The following FAM184A variants were observed in gnomAD, a reference collection of about 807,000 sequenced individuals.
FAM184A encodes the protein family with sequence similarity 184 member A.
In FAM184A, 99 loss-of-function variants were observed where a neutral mutation model predicts 143.8. The ratio of observed to expected loss-of-function variants is 0.69; its 90% confidence interval spans 0.58 to 0.81. FAM184A has a LOEUF of 0.81. Among genes scored for constraint, FAM184A ranks in the 40% least tolerant of loss-of-function variants. The pLI is 0.00. For missense variants in FAM184A, 1,217 were observed against 1,310.5 expected (o/e 0.93, Z 1.10); for synonymous variants, 427 against 446.4 (o/e 0.96, Z 0.55).
chr6:118,967,048 A>G (rs1463753765), intron 14 of FAM184A, 96 bp from the exon 15 acceptor site: 3 of 591,528 alleles, frequency 5.1e-6, no homozygotes, highest in Non-Finnish European at 5.9e-6. Context: ...AACACACACA[A>G]AAATCTGAAA....
At chr6:119,059,996 T>A (rs1159246584) in intron 1 of FAM184A, among the ~76,000 whole-genome samples, 1 of 152,238 alleles carries the variant, frequency 6.6e-6, no homozygotes, top group Non-Finnish European at 1.5e-5. Context: ...TAGGTATAAA[T>A]TGGTCACTAA....
intron 1 of FAM184A, among the ~76,000 whole-genome samples, chr6:119,091,389 A>G (rs1582607708): frequency 6.6e-6 from 1 of 152,142 alleles, no homozygotes; most frequent in Non-Finnish European, 1.5e-5. Context: ...ATCACATCCT[A>G]TAGGCCAAAT....
chr6:118,974,059 C>T (rs1783773757), intron 14 of FAM184A, among the ~76,000 whole-genome samples: 1 of 152,064 alleles, frequency 6.6e-6, no homozygotes, highest in Non-Finnish European at 1.5e-5. Context: ...GTAAAATATA[C>T]ATTATTAGTG....
chr6:118,992,979 C>T (rs147255642), intron 9 of FAM184A, among the ~76,000 whole-genome samples: 306 of 152,270 alleles, frequency 2.0e-3, no homozygotes, highest in South Asian at 2.9e-3. Context: ...TTAAAGCCAT[C>T]CAATCTATGG....
chr6:119,029,100 G>C (rs1258342811), intron 1 of FAM184A, among the ~76,000 whole-genome samples: 3 of 152,152 alleles, frequency 2.0e-5, no homozygotes, highest in Non-Finnish European at 4.4e-5. Context: ...AGAGTGCCTA[G>C]AGCAACACTG....
intron 9 of FAM184A, among the ~76,000 whole-genome samples, chr6:118,981,592 T>G (rs1212422816): frequency 6.6e-6 from 1 of 151,968 alleles, no homozygotes; most frequent in Admixed American, 6.6e-5. Flanking sequence ...TCACTAGACA[T>G]GCAAGAGAAG....
At chr6:119,053,809 G>A (rs1786854461) in intron 1 of FAM184A, among the ~76,000 whole-genome samples, 1 of 152,200 alleles carries the variant, frequency 6.6e-6, no homozygotes, top group Non-Finnish European at 1.5e-5. Context: ...ATGCCAACCT[G>A]TTTTTAAGAA....
At chr6:118,962,432 G>GA (rs995771126) in intron 16 of FAM184A, 102 of 144,380 alleles carry the variant, frequency 7.1e-4, no homozygotes, top group South Asian at 1.9e-3. Context: ...TTCTTGCCTG[G>GA]AAAAAAAAAA....
chr6:118,988,327 T>C (rs1784256953), intron 9 of FAM184A, among the ~76,000 whole-genome samples: 1 of 152,194 alleles, frequency 6.6e-6, no homozygotes, highest in Non-Finnish European at 1.5e-5. Flanking sequence ...CTTAAAACAA[T>C]GTCTGATATA....
At chr6:119,144,141 C>T (rs887088524) in intron 1 of FAM184A, among the ~76,000 whole-genome samples, 4 of 147,880 alleles carry the variant, frequency 2.7e-5, no homozygotes, top group East Asian at 4.0e-4. Context: ...TCCTGGCTAA[C>T]GCAGTGAAAC....
At chr6:119,081,196 GAGAA>G, upstream of FAM184A, among the ~76,000 whole-genome samples, 1 of 152,194 alleles carries the variant, frequency 6.6e-6, no homozygotes. Context: ...GTGAGAAAGA[GAGAA>G]AGAGAGACAG....
intron 1 of FAM184A, among the ~76,000 whole-genome samples, chr6:119,090,483 A>G (rs936203593): frequency 1.1e-4 from 17 of 152,222 alleles, no homozygotes; most frequent in Admixed American, 6.5e-5. Flanking sequence ...GGAACTGTCC[A>G]ACACCTTTGC....
chr6:118,970,776 C>G (rs1347352127), intron 14 of FAM184A, among the ~76,000 whole-genome samples: 1 of 152,146 alleles, frequency 6.6e-6, no homozygotes, highest in African/African-American at 2.4e-5. Flanking sequence ...TATAAAATTA[C>G]TAATTAGGGC....
intron 1 of FAM184A, among the ~76,000 whole-genome samples, chr6:119,112,940 A>G (rs1788970002): frequency 6.6e-6 from 1 of 152,212 alleles, no homozygotes; most frequent in Non-Finnish European, 1.5e-5. Flanking sequence ...AAGGGCACTT[A>G]CAGTACATTT....
chr6:119,118,945 T>G (rs1213954634), intron 1 of FAM184A, among the ~76,000 whole-genome samples: 1 of 152,174 alleles, frequency 6.6e-6, no homozygotes, highest in Non-Finnish European at 1.5e-5. Context: ...CGCTGAATTC[T>G]TTTTCTCAGC....
In FAM184A at chr6:119,016,950, A is replaced by C. The variant is rs777105631; in HGVS notation, c.1333-6T>G. The C allele has an allele frequency of 3.8e-6, 6 of 1,588,884 alleles. No individual in the cohort carries two copies. The highest frequency in any genetic ancestry group is 5.1e-6 in the Non-Finnish European group (6 of 1,165,636). Reference sequence around the variant, plus strand: ...CTCTTTGCTTCATTTACTTTCTAAAATTAAAACAAAGATCAATAATCGGCA... The same window carrying C: ...CTCTTTGCTTCATTTACTTTCTAAACTTAAAACAAAGATCAATAATCGGCA... On this transcript the variant is annotated splice_region_variant and splice_polypyrimidine_tract_variant and intron_variant, in intron 4 of 17. Transcript: ENST00000338891.
chr6:118,970,698 G>A (rs1025358658), intron 14 of FAM184A, among the ~76,000 whole-genome samples: 1 of 152,036 alleles, frequency 6.6e-6, no homozygotes, highest in African/African-American at 2.4e-5. Context: ...AAATTTTACA[G>A]ATTTCCATTA....
At chr6:119,008,934 A>G (rs1785008349) in intron 6 of FAM184A, among the ~76,000 whole-genome samples, 2 of 152,164 alleles carry the variant, frequency 1.3e-5, no homozygotes, top group Admixed American at 1.3e-4. Flanking sequence ...CCCTGCTGAA[A>G]TCTCCAACCT....
intron 1 of FAM184A, among the ~76,000 whole-genome samples, chr6:119,121,683 G>A (rs559011471): frequency 4.5e-4 from 68 of 152,306 alleles, no homozygotes; most frequent in African/African-American, 1.6e-3. Flanking sequence ...GTATTTAAGT[G>A]TAAATTAACC....
Sources: allele counts gnomAD v4.1 joint callset (sites outside exome capture counted in the v4.1 genomes callset), GRCh38; gene constraint gnomAD v4.1.1; transcripts MANE v1.5; gene names NCBI Gene and HGNC (gene_info 2026-07-23, HGNC 2026-07-21).